SORT1: variants seen among roughly 807,000 people sequenced by gnomAD.
The protein encoded by SORT1 is sortilin.
SORT1 carries 39 observed loss-of-function variants against 101.7 expected under a neutral mutation model. That is an observed-to-expected ratio of 0.38 (90% confidence interval 0.30 to 0.50). The LOEUF is 0.50. Among genes scored for constraint, SORT1 ranks in the 20% least tolerant of loss-of-function variants. The pLI is 0.90. For missense variants in SORT1, 878 were observed against 1,040.4 expected (o/e 0.84, Z 2.15); for synonymous variants, 396 against 393.7 (o/e 1.01, Z -0.07).
At chr1:109,342,722 G>C (rs1437812352) in intron 8 of SORT1, among the ~76,000 whole-genome samples, 4 of 152,126 alleles carry the variant, frequency 2.6e-5, no homozygotes, top group African/African-American at 9.7e-5. Flanking sequence ...AACAGGCATG[G>C]GCTGGAAAGA....
chr1:109,365,277 G>A (rs1256195115), intron 3 of SORT1, among the ~76,000 whole-genome samples: 1 of 152,294 alleles, frequency 6.6e-6, no homozygotes, highest in East Asian at 1.9e-4. Flanking sequence ...AGCCTGGAGT[G>A]CAGTGATGTG....
At chr1:109,392,928 G>A (rs1013272450) in intron 1 of SORT1, 18 of 985,286 alleles carry the variant, frequency 1.8e-5, no homozygotes, top group Non-Finnish European at 2.0e-5. Flanking sequence ...TATTAAATAA[G>A]CTAGACGGCT....
rs560512295 is a variant in SORT1 at position 109,377,382 on chromosome 1, T to TA, written c.307-7794dup. On this transcript the variant is annotated intron_variant, in intron 1 of 19. Coordinates refer to ENST00000256637, the MANE Select transcript of SORT1 (RefSeq NM_002959.7). ...TATTTCTTTTTCTTAGTATTTTTTTTAACTCATGATAGCTGTTTGTCCTGA... is the reference window on the plus strand; with the variant it reads ...TATTTCTTTTTCTTAGTATTTTTTTTAAACTCATGATAGCTGTTTGTCCTGA... 4.2e-3 allele frequency among the ~76,000 whole-genome samples: 647 copies of TA among 152,346 alleles called. 7 individuals carry two copies. The highest frequency in any genetic ancestry group is 0.014 in the African/African-American group (592 of 41,584).
chr1:109,317,404 T>C (rs1351917091), intron 16 of SORT1, among the ~76,000 whole-genome samples: 1 of 152,130 alleles, frequency 6.6e-6, no homozygotes, highest in African/African-American at 2.4e-5. Context: ...CTAGTGACTA[T>C]CATATTGGGC....
At position 109,314,665 on chromosome 1, in the gene SORT1, T is replaced by G. The variant is rs1570878215; in HGVS notation, c.2357+7A>C. 1.3e-6 allele frequency: 2 copies of G among 1,556,140 alleles called. No homozygotes were observed. Among genetic ancestry groups the G allele is most frequent in the Non-Finnish European group, 1.8e-6 (2 of 1,127,178 alleles). On this transcript the variant is annotated splice_region_variant and intron_variant, in intron 18 of 19. Coordinates refer to ENST00000256637, the MANE Select transcript of SORT1 (RefSeq NM_002959.7). ...CAGTACCTTGGATTGACTTCTGTGT[T>G]CCTTACCTTCCCCCACAGACATATT...
chr1:109,324,839 G>C, intron 14 of SORT1, 60 bp downstream of exon 14: 1 of 1,137,704 alleles, frequency 8.8e-7, no homozygotes, highest in Non-Finnish European at 1.3e-6. Context: ...AAACCATATT[G>C]ATTATTTAGG....
intron 15 of SORT1, among the ~76,000 whole-genome samples, chr1:109,320,062 G>GC (rs949837488): frequency 4.0e-5 from 6 of 151,868 alleles, no homozygotes; most frequent in Admixed American, 1.3e-4. Context: ...GCCCTCTGCT[G>GC]CCCCCGCCAC....
chr1:109,384,535 A>G (rs922142749), intron 1 of SORT1, among the ~76,000 whole-genome samples: 1 of 152,254 alleles, frequency 6.6e-6, no homozygotes, highest in East Asian at 1.9e-4. Context: ...AAATGGGAGA[A>G]GATAGCCCCA....
At chr1:109,371,227 G>A (rs1005057395) in intron 1 of SORT1, among the ~76,000 whole-genome samples, 3 of 152,226 alleles carry the variant, frequency 2.0e-5, no homozygotes, top group African/African-American at 7.2e-5. Flanking sequence ...CCAGGCATCT[G>A]AGAAAAAGTA....
chr1:109,337,512 G>A (rs559052865), intron 10 of SORT1, among the ~76,000 whole-genome samples: 2 of 152,216 alleles, frequency 1.3e-5, no homozygotes, highest in South Asian at 4.2e-4. Context: ...CGAAGTGCTG[G>A]GATTACAGGT....
At chr1:109,375,550 A>AAAAAAAAG (rs1208423972) in intron 1 of SORT1, among the ~76,000 whole-genome samples, 1 of 150,622 alleles carries the variant, frequency 6.6e-6, no homozygotes, top group Non-Finnish European at 1.5e-5. Flanking sequence ...TCAAAAAAAA[A>AAAAAAAAG]AAAAAAAGAT....
At chr1:109,318,992 G>A (rs1311700334) in intron 15 of SORT1, among the ~76,000 whole-genome samples, 1 of 152,088 alleles carries the variant, frequency 6.6e-6, no homozygotes, top group East Asian at 1.9e-4. Context: ...TGCCCAGCCT[G>A]ATCTCAAACT....
intron 3 of SORT1, among the ~76,000 whole-genome samples, chr1:109,356,573 T>C (rs1333288828): frequency 6.6e-6 from 1 of 152,212 alleles, no homozygotes; most frequent in Non-Finnish European, 1.5e-5. Context: ...ACTAATCTAT[T>C]AATCCACAGT....
At chr1:109,355,641 A>ACCCCCCCCCCCCCC (rs529686433) in intron 3 of SORT1, among the ~76,000 whole-genome samples, 172 bp from the exon 4 acceptor site, 1 of 84,100 alleles carries the variant, frequency 1.2e-5, no homozygotes, top group Non-Finnish European at 2.3e-5. Context: ...AGAACATTCC[A>ACCCCCCCCCCCCCC]CCCGCCCCCC....
chr1:109,388,217 AC>A (rs1652698109), intron 1 of SORT1, among the ~76,000 whole-genome samples: 1 of 151,858 alleles, frequency 6.6e-6, no homozygotes, highest in South Asian at 2.1e-4. Context: ...CTAGATGTGC[AC>A]CACTACCTAC....
At chr1:109,390,771 A>ATGTGTATGTGTG (rs1652859123) in intron 1 of SORT1, among the ~76,000 whole-genome samples, 1 of 145,618 alleles carries the variant, frequency 6.9e-6, no homozygotes, top group African/African-American at 2.6e-5. Context: ...GTGTGTGTGT[A>ATGTGTATGTGTG]TGTGTGTGTG....
rs1557826526 is a variant in SORT1, at chr1:109,385,041, GCACTCCAGCCTGGA to G, written c.306+12532_306+12545del. 2.6e-5 allele frequency among the ~76,000 whole-genome samples: 4 copies of G among 152,002 alleles called. No homozygotes were observed. In the East Asian group the frequency reaches 7.7e-4, roughly 29 times the overall value. ...TGCAGTGAGCTGAGATCACAACACTGCACTCCAGCCTGGACAATAGAGTGAGACTCTGTCTCAAC... is the reference window on the plus strand; with the variant it reads ...TGCAGTGAGCTGAGATCACAACACTGCAATAGAGTGAGACTCTGTCTCAAC... On this transcript the variant is annotated intron_variant, in intron 1 of 19. Transcript: ENST00000256637.
At chr1:109,367,631 T>C (rs1651182647) in intron 2 of SORT1, 150 bp from the exon 3 acceptor site, 1 of 519,738 alleles carries the variant, frequency 1.9e-6, no homozygotes, top group Non-Finnish European at 3.4e-6. Flanking sequence ...TTACTAGGGC[T>C]GAGAATGATG....
intron 14 of SORT1, among the ~76,000 whole-genome samples, chr1:109,324,563 C>T (rs544129860): frequency 3.4e-4 from 52 of 152,038 alleles, no homozygotes; most frequent in African/African-American, 1.1e-3. Flanking sequence ...TTTTCTGGGC[C>T]GTTAATATTG....
Sources: allele counts gnomAD v4.1 joint callset (sites outside exome capture counted in the v4.1 genomes callset), GRCh38; gene constraint gnomAD v4.1.1; transcripts MANE v1.5; gene names NCBI Gene and HGNC (gene_info 2026-07-23, HGNC 2026-07-21).